Variants in CFAP36 observed in about 807,000 individuals in gnomAD.
CFAP36 encodes cilia- and flagella-associated protein 36.
A neutral mutation model predicts 50.5 loss-of-function variants in CFAP36; 37 were observed. The ratio of observed to expected loss-of-function variants is 0.73; its 90% CI spans 0.56 to 0.96. The LOEUF (loss-of-function observed/expected upper bound fraction) is 0.96, where lower values mean the gene tolerates loss of function less well. Ranked by LOEUF, CFAP36 falls within the 50% of genes least tolerant of loss-of-function variation. The probability of loss-of-function intolerance (pLI) is 0.00; values close to 1 mark genes in which losing one functional copy is unlikely to be tolerated. For synonymous variants in CFAP36, 138 were observed against 128.2 expected (o/e 1.08, Z -0.52); for missense variants, 407 against 396.2 (o/e 1.03, Z -0.23).
intron 3 of CFAP36, among the ~76,000 whole-genome samples, chr2:55,527,050 T>G (rs1684227174): frequency 6.6e-6 from 1 of 151,816 alleles, no homozygotes; most frequent in Non-Finnish European, 1.5e-5. Flanking sequence ...AATAATAAAA[T>G]AATTTAAATG....
intron 9 of CFAP36, 107 bp from the exon 10 acceptor site, chr2:55,544,800 C>T (rs1684728853): frequency 4.5e-6 from 3 of 667,190 alleles, no homozygotes; most frequent in Admixed American, 3.0e-5. Flanking sequence ...CTCCCTCCGT[C>T]CCACAAGAAG....
At chr2:55,540,283 T>A (rs1684599530) in intron 7 of CFAP36, among the ~76,000 whole-genome samples, 1 of 152,222 alleles carries the variant, frequency 6.6e-6, no homozygotes, top group African/African-American at 2.4e-5. Flanking sequence ...AGGTCTGTGA[T>A]CTATTTTGAA....
chr2:55,537,491 G>T lies in CFAP36; in HGVS notation c.546G>T (p.Glu182Asp), dbSNP rs78368404. 3 of 1,606,528 alleles carry T rather than the reference G, an allele frequency of 1.9e-6. No homozygotes were observed. Among genetic ancestry groups the T allele is most frequent in the East Asian group, 2.2e-5 (1 of 44,748 alleles). ...ATTATGGAATCCTGAAGTTATCAGAGGCTAAAACAGAAGAGCCCACAGTGC... is the reference window on the plus strand; with the variant it reads ...ATTATGGAATCCTGAAGTTATCAGATGCTAAAACAGAAGAGCCCACAGTGC... ...EERKRKKQLS[E>D]AKTEEPTVHS... The change falls in exon 7 of 10, where the codon GAG becomes GAT. Residue 182 changes from glutamate to aspartate, a missense_variant. Transcript: ENST00000349456.
rs146582607 is a variant in CFAP36, at chr2:55,529,849, T to C, written c.397+857T>C. On this transcript the variant is annotated intron_variant, in intron 4 of 9. Transcript: ENST00000349456. Reference sequence around the variant, plus strand: ...TTTTAGTAGAGATGGGGTTTCACCATGTTAGCCAGGATGGTCTCGATCTCC... The same window carrying C: ...TTTTAGTAGAGATGGGGTTTCACCACGTTAGCCAGGATGGTCTCGATCTCC... Among the ~76,000 whole-genome samples the C allele has an allele frequency of 7.5e-3, 1,142 of 152,164 alleles. 19 individuals carry two copies. Among genetic ancestry groups the C allele is most frequent in the African/African-American group, 0.026 (1,092 of 41,502 alleles).
intron 4 of CFAP36, among the ~76,000 whole-genome samples, chr2:55,532,175 C>T (rs565481503): frequency 6.6e-6 from 1 of 150,680 alleles, no homozygotes; most frequent in African/African-American, 2.4e-5. Flanking sequence ...GCGTGCCAGC[C>T]TGGGCAACAG....
At chr2:55,520,263 A>G (rs1574608969) in intron 1 of CFAP36, 3 of 713,284 alleles carry the variant, frequency 4.2e-6, no homozygotes, top group South Asian at 2.0e-5. Context: ...CGGCAGGTGG[A>G]CTGTTTGGCT....
rs778975074 is a variant in CFAP36, at chr2:55,520,476, C to T, written c.115+560C>T. On this transcript the variant is annotated intron_variant, in intron 1 of 9. Coordinates refer to ENST00000349456, the MANE Select transcript of CFAP36 (RefSeq NM_080667.7). ...GGTGATTTTGGTGGCCTGTGTTCCC[C>T]TTGGTGAGCTCTCTACTCTTCGCTA... 3.4e-5 allele frequency: 52 copies of T among 1,546,860 alleles called. No homozygotes were observed. The Admixed American group carries it at 1.0e-3, about 31-fold the overall frequency.
intron 2 of CFAP36, among the ~76,000 whole-genome samples, chr2:55,522,848 C>A (rs1194218602): frequency 2.6e-5 from 4 of 152,130 alleles, no homozygotes; most frequent in African/African-American, 9.7e-5. Flanking sequence ...ATAATCCCAG[C>A]ACTTTGGAGG....
chr2:55,534,837 C>T (rs1405291786), intron 5 of CFAP36, among the ~76,000 whole-genome samples: 1 of 152,056 alleles, frequency 6.6e-6, no homozygotes, highest in Non-Finnish European at 1.5e-5. Context: ...AGAGGATGGG[C>T]CTGATGGGAA....
intron 2 of CFAP36, among the ~76,000 whole-genome samples, chr2:55,523,248 CAAAAA>C (rs34360176): frequency 7.1e-6 from 1 of 140,396 alleles, no homozygotes; most frequent in African/African-American, 2.6e-5. Flanking sequence ...CCATCTCTAC[CAAAAA>C]AAAAAAAAAA....
rs374899371 is a variant in CFAP36 at position 55,544,274 on chromosome 2, C to T, written c.832C>T (p.Gln278Ter). The T allele has an allele frequency of 6.2e-7, 1 of 1,613,712 alleles. No individual in the cohort carries two copies. Among genetic ancestry groups the T allele is most frequent in the Non-Finnish European group, 8.5e-7 (1 of 1,179,874 alleles). ...ELRQREHYLK[Q>*]KRDKLMSMRK... is the part of the protein sequence containing the mutation. ...TCGGCAACGAGAACACTATCTCAAG[C>T]AGAAGAGAGATAAGTTGATGTCCAT... Residue 278 changes from glutamine (Q) to a stop codon, truncating the protein, a stop_gained, in exon 9 of 10, where the codon CAG becomes TAG. Transcript: ENST00000349456. LOFTEE classifies it high-confidence loss of function.
chr2:55,524,051 C>G lies in CFAP36; in HGVS notation c.282+229C>G, dbSNP rs2103634082. ...CAAAGTGACCTTTCTAAACTCAGAA[C>G]TAGAATAAGATCACAGGGTTTATAC... On this transcript the variant is annotated intron_variant, in intron 3 of 9. Coordinates refer to ENST00000349456, the MANE Select transcript of CFAP36 (RefSeq NM_080667.7). 2.0e-5 allele frequency among the ~76,000 whole-genome samples: 3 copies of G among 152,302 alleles called. No homozygotes were observed. In the Middle Eastern group the frequency reaches 0.01, roughly 518 times the overall value.
rs181270900 is a variant in CFAP36 at position 55,525,916 on chromosome 2, C to T, written c.282+2094C>T. 8.8e-4 allele frequency among the ~76,000 whole-genome samples: 134 copies of T among 152,298 alleles called. 2 individuals are homozygous for T. Among genetic ancestry groups the T allele is most frequent in the Admixed American group, 8.7e-3 (133 of 15,304 alleles). ...TGCTGGGATTACAGGCGTGAGCCAC[C>T]ACGCCCTGCTGCCCCTTGCTCTTAT... On this transcript the variant is annotated intron_variant, in intron 3 of 9. Transcript: ENST00000349456.
intron 6 of CFAP36, chr2:55,536,046 T>C (rs1684476674): frequency 4.5e-6 from 2 of 442,258 alleles, no homozygotes; most frequent in South Asian, 2.3e-4. Flanking sequence ...AGAGTAGTCA[T>C]TTTTTTTGGC....
chr2:55,544,713 C>G (rs1558917075), intron 9 of CFAP36, among the ~76,000 whole-genome samples, 194 bp from the exon 10 acceptor site: 1 of 152,136 alleles, frequency 6.6e-6, no homozygotes, highest in South Asian at 2.1e-4. Context: ...AGCACATCAG[C>G]CACCACTTCC....
intron 3 of CFAP36, among the ~76,000 whole-genome samples, chr2:55,524,705 G>A (rs982751090): frequency 1.4e-4 from 21 of 152,220 alleles, no homozygotes; most frequent in Admixed American, 7.2e-4. Flanking sequence ...AACCAGGCCC[G>A]GAGTAGTGGC....
intron 3 of CFAP36, among the ~76,000 whole-genome samples, chr2:55,528,176 T>G (rs1014699193): frequency 6.7e-6 from 1 of 148,704 alleles, no homozygotes; most frequent in African/African-American, 2.5e-5. Context: ...TATAGAATTA[T>G]AAGGAATTAT....
At chr2:55,543,900 T>C (rs763281596) in intron 7 of CFAP36, 38 bp from the exon 8 acceptor site, 1 of 1,546,680 alleles carries the variant, frequency 6.5e-7, no homozygotes, top group South Asian at 1.1e-5. Context: ...ATATTTCTCA[T>C]AATATTCTAA....
intron 7 of CFAP36, chr2:55,539,006 CAG>C: frequency 8.4e-7 from 1 of 1,189,510 alleles, no homozygotes; most frequent in Non-Finnish European, 1.1e-6. Context: ...GCAGAAGGTA[CAG>C]AGATTTCCCC....
Sources: allele counts gnomAD v4.1 joint callset (sites outside exome capture counted in the v4.1 genomes callset), GRCh38; gene constraint gnomAD v4.1.1; transcripts MANE v1.5; gene names NCBI Gene and HGNC (gene_info 2026-07-23, HGNC 2026-07-21).